LONP2: variants seen among roughly 807,000 people sequenced by gnomAD.
LONP2 encodes the protein lon protease homolog 2, peroxisomal.
Under a neutral mutation model 85.6 loss-of-function variants are expected in LONP2, and 60 were observed. The ratio of observed to expected loss-of-function variants is 0.70; its 90% CI spans 0.57 to 0.87. The LOEUF is 0.87. Among genes scored for constraint, LONP2 ranks in the 40% least tolerant of loss-of-function variants. The pLI, the probability that LONP2 is intolerant of heterozygous loss-of-function variation, is 0.00. For synonymous variants in LONP2, 395 were observed against 389.7 expected, an observed-to-expected ratio of 1.01 and a Z score of -0.16; for missense variants, 860 against 1,063.5, an observed-to-expected ratio of 0.81 and a Z score of 2.66.
intron 8 of LONP2, among the ~76,000 whole-genome samples, chr16:48,284,324 A>G (rs1275236009): frequency 6.6e-6 from 1 of 152,228 alleles, no homozygotes; most frequent in Non-Finnish European, 1.5e-5. Context: ...GATTGACTTC[A>G]ATTTTGAAAG....
chr16:48,254,221 T>C (rs1483826310), intron 2 of LONP2, among the ~76,000 whole-genome samples: 1 of 152,246 alleles, frequency 6.6e-6, no homozygotes, highest in Non-Finnish European at 1.5e-5. Flanking sequence ...CTTGGGCCTA[T>C]CTGTCTTGCG....
intron 12 of LONP2, chr16:48,334,653 G>C (rs919255803): frequency 1.7e-6 from 1 of 603,256 alleles, no homozygotes; most frequent in African/African-American, 1.8e-5. Context: ...AGCATCAGGC[G>C]CAGGGTGGAC....
At chr16:48,253,312 G>A (rs1248027267) in intron 2 of LONP2, among the ~76,000 whole-genome samples, 3 of 151,812 alleles carry the variant, frequency 2.0e-5, no homozygotes. Context: ...TCTACAAAAT[G>A]TACAAAAATT....
intron 11 of LONP2, among the ~76,000 whole-genome samples, chr16:48,333,104 A>C (rs1320896724): frequency 6.6e-6 from 1 of 152,236 alleles, no homozygotes; most frequent in African/African-American, 2.4e-5. Context: ...AATGAGATCG[A>C]ATACAGCCAA....
intron 11 of LONP2, among the ~76,000 whole-genome samples, chr16:48,320,127 T>C (rs953327178): frequency 6.9e-6 from 1 of 145,512 alleles, no homozygotes; most frequent in Admixed American, 7.0e-5. Flanking sequence ...GCCACTGCAC[T>C]CTAGCCTGGG....
chr16:48,244,616 G>A lies in LONP2; in HGVS notation c.228G>A (p.Leu76=), dbSNP rs772187842. The stretch of plus-strand genomic sequence containing the variant: ...GCGACGCGCAGGACCTGCCGCCGCT[G>A]CACAGGTAGGCCTGGCTGCCCCCGC... ...PASDAQDLPP[L]HRIGTAALAV... Residue 76 remains leucine (L), a synonymous_variant, in exon 1 of 15, where the codon CTG becomes CTA. Coordinates refer to ENST00000285737, the MANE Select transcript of LONP2 (RefSeq NM_031490.5). 9 of 1,455,726 alleles carry A rather than the reference G, an allele frequency of 6.2e-6. No homozygotes were observed. In the Admixed American group the frequency reaches 2.0e-4, roughly 33 times the overall value. 90.2% of individuals were successfully genotyped at this position (1,455,726 alleles called of 1,614,324 possible).
At chr16:48,324,297 A>G (rs575184789) in intron 11 of LONP2, among the ~76,000 whole-genome samples, 1 of 152,324 alleles carries the variant, frequency 6.6e-6, no homozygotes, top group South Asian at 2.1e-4. Context: ...AACCACAACC[A>G]TATGTGTCTT....
intron 8 of LONP2, among the ~76,000 whole-genome samples, chr16:48,292,883 G>T (rs978378764): frequency 2.6e-5 from 4 of 152,134 alleles, no homozygotes; most frequent in Non-Finnish European, 5.9e-5. Context: ...CAATTAAACT[G>T]TTAATTTATC....
chr16:48,287,066 C>T (rs911057066), intron 8 of LONP2, among the ~76,000 whole-genome samples: 3 of 152,170 alleles, frequency 2.0e-5, no homozygotes, highest in East Asian at 3.9e-4. Context: ...GTTTAGTGGT[C>T]AGCTAGTGAC....
chr16:48,297,980 A>G (rs1972712369), intron 9 of LONP2, among the ~76,000 whole-genome samples: 1 of 152,208 alleles, frequency 6.6e-6, no homozygotes, highest in African/African-American at 2.4e-5. Flanking sequence ...TTTCTTAATT[A>G]TCTGTGAGCA....
At chr16:48,267,798 T>C (rs953283497) in intron 6 of LONP2, among the ~76,000 whole-genome samples, 1 of 152,002 alleles carries the variant, frequency 6.6e-6, no homozygotes, top group Non-Finnish European at 1.5e-5. Flanking sequence ...GTGTTTTTAG[T>C]AGAGATGGGG....
chr16:48,334,754 T>G, intron 12 of LONP2: 1 of 550,510 alleles, frequency 1.8e-6, no homozygotes. Flanking sequence ...TAAGATGCCC[T>G]ACCTGTCTTG....
At chr16:48,307,993 A>T (rs912980274) in intron 11 of LONP2, among the ~76,000 whole-genome samples, 3 of 152,184 alleles carry the variant, frequency 2.0e-5, no homozygotes, top group African/African-American at 7.2e-5. Context: ...ACCAGCTGTC[A>T]TGTGAACTCA....
chr16:48,347,817 G>T, intron 13 of LONP2, 103 bp downstream of exon 13: 2 of 1,108,648 alleles, frequency 1.8e-6, no homozygotes, highest in Non-Finnish European at 2.6e-6. Flanking sequence ...ATCTAGCAAA[G>T]TACACACCGT....
chr16:48,344,030 G>A (rs979292651), intron 12 of LONP2: 3 of 152,196 alleles, frequency 2.0e-5, no homozygotes, highest in African/African-American at 7.2e-5. Context: ...GAAGCTGAAA[G>A]GAAAGTACTG....
At position 48,303,204 on chromosome 16, in the gene LONP2, A is replaced by T; in HGVS notation, c.1694A>T (p.Asp565Val). 2 of 1,614,112 alleles carry T rather than the reference A, an allele frequency of 1.2e-6. No individual in the cohort carries two copies. The highest frequency in any genetic ancestry group is 8.5e-7 in the Non-Finnish European group (1 of 1,180,018). Residue 565 changes from aspartate to valine, a missense_variant, in exon 11 of 15, where the codon GAT becomes GTT. This residue lies in a region of LONP2 where 743 missense variants were observed against 917.3 expected (regional missense o/e 0.81). Transcript: ENST00000285737. ...AGAGAGGCAGGGGTTCGTTCTCTGG[A>T]TAGAAAACTTGGGGCCATTTGCCGA... ...YTREAGVRSL[D>V]RKLGAICRAV... is the part of the protein sequence containing the mutation.
intron 11 of LONP2, among the ~76,000 whole-genome samples, chr16:48,326,200 C>G (rs1959232323): frequency 6.6e-6 from 1 of 152,226 alleles, no homozygotes; most frequent in Non-Finnish European, 1.5e-5. Flanking sequence ...TTCTCAACAG[C>G]TTCCCAAAGA....
rs959803492 is a variant in LONP2, at chr16:48,353,990, G to A, written c.*2188G>A. 1.6e-4 allele frequency: 23 copies of A among 145,898 alleles called. No individual in the cohort carries two copies. Among genetic ancestry groups the A allele is most frequent in the African/African-American group, 5.7e-4 (22 of 38,694 alleles). The allele number at this position is 145,898 out of a possible 1,614,324, so 9.0% of individuals were successfully genotyped here. ...GACCATTGCACTAGCTTTGTTTTTGGTTTGTTTTGTTTTTTTTTTAATTCC... is the reference window on the plus strand; with the variant it reads ...GACCATTGCACTAGCTTTGTTTTTGATTTGTTTTGTTTTTTTTTTAATTCC... On this transcript the variant is annotated 3_prime_UTR_variant, in exon 15 of 15. Transcript: ENST00000285737.
rs1007569528 is a variant in LONP2, at chr16:48,320,133, C to T, written c.1796-14083C>T. ...CGAGATCACGCCACTGCACTCTAGCCTGGGCAGCAGAGTAAGACTCTGTCT... is the reference window on the plus strand; with the variant it reads ...CGAGATCACGCCACTGCACTCTAGCTTGGGCAGCAGAGTAAGACTCTGTCT... On this transcript the variant is annotated intron_variant, in intron 11 of 14. Coordinates refer to ENST00000285737, the MANE Select transcript of LONP2 (RefSeq NM_031490.5). Among the ~76,000 whole-genome samples, 4 of 144,418 alleles carry T rather than the reference C, an allele frequency of 2.8e-5. No homozygotes were observed. The East Asian group carries it at 6.0e-4, about 22-fold the overall frequency. The allele number at this position is 144,418 out of a possible 152,430, so 94.7% of individuals were successfully genotyped here.
Sources: gnomAD v4.1 joint callset for allele counts (sites outside exome capture counted in the v4.1 genomes callset) on GRCh38, gnomAD v4.1.1 for gene constraint, gnomAD v4.1.1 regional missense constraint, MANE v1.5 for transcripts, NCBI Gene and HGNC (gene_info 2026-07-23, HGNC 2026-07-21) for gene names.